PCDH7: variants seen among roughly 807,000 people sequenced by gnomAD.
PCDH7 encodes protocadherin-7.
PCDH7 carries 17 observed loss-of-function variants against 58.9 expected under a neutral mutation model. The observed-to-expected ratio is 0.29, with a 90% CI of 0.20 to 0.43. PCDH7 has a LOEUF of 0.43. Among genes scored for constraint, PCDH7 ranks in the 20% least tolerant of loss-of-function variants. The pLI is 1.00. For missense variants in PCDH7, 1,274 were observed against 1,441.0 expected (o/e 0.88, Z 1.88); for synonymous variants, 664 against 616.4 (o/e 1.08, Z -1.14).
chr4:30,741,750 T>C (rs1717108105), intron 1 of PCDH7, among the ~76,000 whole-genome samples: 1 of 152,234 alleles, frequency 6.6e-6, no homozygotes, highest in Non-Finnish European at 1.5e-5. Context: ...AATTACTATA[T>C]GAGTAGAGTA....
chr4:30,925,200 A>G (rs944427179), intron 2 of PCDH7, among the ~76,000 whole-genome samples: 6 of 152,186 alleles, frequency 3.9e-5, no homozygotes, highest in African/African-American at 9.6e-5. Context: ...TGGACTTTTC[A>G]TATTGCTTTT....
Position 30,902,203 on chromosome 4 carries a change from A to G in PCDH7, c.71-17950A>G, listed in dbSNP as rs187737186. 2.0e-5 allele frequency among the ~76,000 whole-genome samples: 3 copies of G among 152,278 alleles called. No individual in the cohort carries two copies. In the East Asian group the frequency reaches 5.8e-4, roughly 29 times the overall value. Reference sequence around the variant, plus strand: ...CGTTATGTTCTGGGAAATGTCTGCTACCCGTTAATCATTATCCACTGGAAA... The same window carrying G: ...CGTTATGTTCTGGGAAATGTCTGCTGCCCGTTAATCATTATCCACTGGAAA... On this transcript the variant is annotated intron_variant, in intron 1 of 3. Transcript: ENST00000509759.
At chr4:31,020,187 A>T (rs1256111708) in intron 3 of PCDH7, among the ~76,000 whole-genome samples, 1 of 152,246 alleles carries the variant, frequency 6.6e-6, no homozygotes, top group Non-Finnish European at 1.5e-5. Context: ...GAGGATCAAC[A>T]TAAACAGTGG....
At chr4:30,815,994 A>G (rs1195624599) in intron 1 of PCDH7, among the ~76,000 whole-genome samples, 1 of 152,228 alleles carries the variant, frequency 6.6e-6, no homozygotes, top group Non-Finnish European at 1.5e-5. Context: ...AAACAATACA[A>G]GTGAACTCAT....
chr4:30,906,849 C>T (rs1371935807), intron 1 of PCDH7, among the ~76,000 whole-genome samples: 1 of 151,914 alleles, frequency 6.6e-6, no homozygotes, highest in Non-Finnish European at 1.5e-5. Flanking sequence ...ATGGTGAAAC[C>T]CTGTACCTAC....
At chr4:31,075,588 G>T (rs1192597344) in intron 3 of PCDH7, among the ~76,000 whole-genome samples, 2 of 152,150 alleles carry the variant, frequency 1.3e-5, no homozygotes, top group Non-Finnish European at 2.9e-5. Context: ...AGAAACAAAG[G>T]TGTGGATTAT....
chr4:31,010,145 C>T (rs1478680923), intron 3 of PCDH7, among the ~76,000 whole-genome samples: 1 of 151,872 alleles, frequency 6.6e-6, no homozygotes, highest in Non-Finnish European at 1.5e-5. Context: ...AAAAGCAATC[C>T]ACATTCACAT....
At chr4:31,045,618 TA>T (rs1756220316) in intron 3 of PCDH7, among the ~76,000 whole-genome samples, 1 of 152,038 alleles carries the variant, frequency 6.6e-6, no homozygotes, top group African/African-American at 2.4e-5. Flanking sequence ...TACTTGTTAA[TA>T]AAATATTTTT....
chr4:30,764,248 A>G (rs1020030885), intron 1 of PCDH7, among the ~76,000 whole-genome samples: 3 of 152,156 alleles, frequency 2.0e-5, no homozygotes, highest in African/African-American at 7.2e-5. Flanking sequence ...GACCCAGCAT[A>G]TGTAGTATTT....
intron 3 of PCDH7, among the ~76,000 whole-genome samples, chr4:31,122,038 G>A (rs1420459860): frequency 1.3e-5 from 2 of 151,932 alleles, no homozygotes; most frequent in East Asian, 1.9e-4. Context: ...AGAAGCAAAA[G>A]CAAGTCTGAT....
intron 1 of PCDH7, among the ~76,000 whole-genome samples, chr4:30,739,333 C>G (rs7664916): frequency 0.3 from 44,945 of 151,010 alleles, 7,037 homozygotes; most frequent in African/African-American, 0.32. Context: ...AAGTACCTTT[C>G]TAAGCTTCTA....
chr4:30,817,618 A>T (rs532287411), intron 1 of PCDH7, among the ~76,000 whole-genome samples: 1 of 152,248 alleles, frequency 6.6e-6, no homozygotes. Context: ...TTCTGAGACG[A>T]CTATTCAACC....
chr4:30,926,289 A>G (rs1162364508), intron 2 of PCDH7, among the ~76,000 whole-genome samples: 3 of 151,660 alleles, frequency 2.0e-5, no homozygotes, highest in African/African-American at 7.3e-5. Context: ...CGTTCAAACC[A>G]TTCTGCTGCC....
intron 3 of PCDH7, among the ~76,000 whole-genome samples, chr4:31,096,928 T>TGTGTGTGTGTGTG (rs5857221): frequency 6.6e-6 from 1 of 151,508 alleles, no homozygotes; most frequent in Non-Finnish European, 1.5e-5. Flanking sequence ...TGTGTGTGTG[T>TGTGTGTGTGTGTG]TGTGAATAAG....
At chr4:31,130,517 G>A (rs1264282902) in intron 3 of PCDH7, among the ~76,000 whole-genome samples, 3 of 152,080 alleles carry the variant, frequency 2.0e-5, no homozygotes, top group Non-Finnish European at 4.4e-5. Flanking sequence ...CCAGAGAATT[G>A]GGAATGTGTT....
chr4:30,760,759 G>A (rs1227694520), intron 1 of PCDH7, among the ~76,000 whole-genome samples: 3 of 152,108 alleles, frequency 2.0e-5, no homozygotes, highest in African/African-American at 7.2e-5. Flanking sequence ...CCAACCAAGG[G>A]CATCTGAGCA....
At chr4:30,739,804 T>A (rs1362445287) in intron 1 of PCDH7, among the ~76,000 whole-genome samples, 1 of 152,212 alleles carries the variant, frequency 6.6e-6, no homozygotes, top group Non-Finnish European at 1.5e-5. Flanking sequence ...ATGCCAATTA[T>A]GCTTAAGGTC....
chr4:30,770,456 T>A (rs913927443), intron 1 of PCDH7, among the ~76,000 whole-genome samples: 4 of 152,186 alleles, frequency 2.6e-5, no homozygotes, highest in Admixed American at 2.0e-4. Flanking sequence ...ATATGTTTGT[T>A]ATGGAAACTG....
intron 1 of PCDH7, among the ~76,000 whole-genome samples, chr4:30,817,621 A>G (rs914058312): frequency 6.6e-6 from 1 of 152,054 alleles, no homozygotes; most frequent in East Asian, 1.9e-4. Flanking sequence ...TGAGACGACT[A>G]TTCAACCTCT....
Sources: gnomAD v4.1 joint callset for allele counts (sites outside exome capture counted in the v4.1 genomes callset) on GRCh38, gnomAD v4.1.1 for gene constraint, MANE v1.5 for transcripts, NCBI Gene and HGNC (gene_info 2026-07-23, HGNC 2026-07-21) for gene names.